Variants in TULP4 observed in about 807,000 individuals in gnomAD.
TULP4 encodes the protein tubby-related protein 4.
Under a neutral mutation model 129.0 loss-of-function variants are expected in TULP4, and 16 were observed. The observed-to-expected ratio is 0.12, with a 90% confidence interval of 0.08 to 0.19. The LOEUF (loss-of-function observed/expected upper bound fraction) is 0.19. Among genes scored for constraint, TULP4 ranks in the 10% least tolerant of loss-of-function variants. The pLI is 1.00. For synonymous variants in TULP4, 998 were observed against 854.0 expected (o/e 1.17, Z -2.94); for missense variants, 1,842 against 2,059.1 (o/e 0.89, Z 2.04).
At chr6:158,487,936 G>A (rs1020880525) in intron 8 of TULP4, among the ~76,000 whole-genome samples, 1 of 152,212 alleles carries the variant, frequency 6.6e-6, no homozygotes, top group Non-Finnish European at 1.5e-5. Flanking sequence ...TCCTTCCCTT[G>A]TGGAGTTTGC....
chr6:158,333,585 A>G lies in TULP4; in HGVS notation c.252+19317A>G, dbSNP rs901248624. On this transcript the variant is annotated intron_variant, in intron 1 of 13. Coordinates refer to ENST00000367097, the MANE Select transcript of TULP4 (RefSeq NM_020245.5). ...ACCTTCCCTCTGCCCACCTTCCCAAACTAGCTATGTACAGTTGGCCTCTGT... is the reference window on the plus strand; with the variant it reads ...ACCTTCCCTCTGCCCACCTTCCCAAGCTAGCTATGTACAGTTGGCCTCTGT... Among the ~76,000 whole-genome samples the G allele has an allele frequency of 5.3e-5, 8 of 152,244 alleles. No individual in the cohort carries two copies. The South Asian group carries it at 1.7e-3, about 32-fold the overall frequency.
At chr6:158,291,686 CTA>C (rs1336923025) in intron 1 of TULP4, among the ~76,000 whole-genome samples, 19 of 151,846 alleles carry the variant, frequency 1.3e-4, no homozygotes, top group Admixed American at 2.6e-4. Context: ...CTTTTTTAAT[CTA>C]TCTTTCATTT....
chr6:158,241,151 C>T (rs569432124), intron 1 of TULP4, among the ~76,000 whole-genome samples: 8 of 135,556 alleles, frequency 5.9e-5, no homozygotes, highest in Non-Finnish European at 1.1e-4. Flanking sequence ...AGACGATGGG[C>T]GGCCGGGCAG....
chr6:158,289,437 C>T (rs1327944662), intron 1 of TULP4, among the ~76,000 whole-genome samples: 2 of 151,920 alleles, frequency 1.3e-5, no homozygotes, highest in Non-Finnish European at 2.9e-5. Context: ...CCTTTACTCT[C>T]TTTTGGTTTA....
At chr6:158,260,051 C>T (rs1296789566) in intron 1 of TULP4, among the ~76,000 whole-genome samples, 1 of 152,190 alleles carries the variant, frequency 6.6e-6, no homozygotes, top group Non-Finnish European at 1.5e-5. Context: ...TCTCCAGCCC[C>T]TCTTCTTCCC....
chr6:158,503,552 G>A lies in TULP4; in HGVS notation c.3889G>A (p.Ala1297Thr). 1 of 1,613,920 alleles carries A rather than the reference G, an allele frequency of 6.2e-7. No homozygotes were observed. Among genetic ancestry groups the A allele is most frequent in the East Asian group, 2.2e-5 (1 of 44,878 alleles). The stretch of plus-strand genomic sequence containing the variant: ...GAAGCCCCTTGTGTCCCCACCACCT[G>A]CCGACCTCCAAAGCCACTTGGGCAC... ...VEKPLVSPPP[A>T]DLQSHLGTEV... is the part of the protein sequence containing the mutation. Residue 1297 changes from alanine to threonine, a missense_variant, in exon 13 of 14, where the codon GCC becomes ACC. Transcript: ENST00000367097. This position sits in a 1 kb window ranked among gnomAD's most constrained non-coding sequence, Gnocchi z 4.3.
chr6:158,240,786 A>G lies in TULP4; in HGVS notation n.68+8483A>G, dbSNP rs1325944130. The stretch of plus-strand genomic sequence containing the variant: ...TCCCTCCCGGTCGGCACGGCTGGCC[A>G]GGCGGGGGGCTGAACCCCCCACCTC... On this transcript the variant is annotated intron_variant and non_coding_transcript_variant, in intron 1 of 1. Transcript: ENST00000620026. Among the ~76,000 whole-genome samples, 374 of 118,994 alleles carry G rather than the reference A, an allele frequency of 3.1e-3. 1 individual carries two copies. The highest frequency in any genetic ancestry group is 0.011 in the African/African-American group (349 of 32,012). The allele number at this position is 118,994 out of a possible 152,430, so 78.1% of individuals were successfully genotyped here.
intron 4 of TULP4, among the ~76,000 whole-genome samples, chr6:158,450,748 T>C (rs1426144439): frequency 5.0e-5 from 5 of 100,640 alleles, no homozygotes; most frequent in Non-Finnish European, 4.0e-5. Context: ...CCCATTTTAT[T>C]ATTGAAAAAA....
At chr6:158,486,886 G>A (rs1357495831) in intron 8 of TULP4, among the ~76,000 whole-genome samples, 2 of 152,082 alleles carry the variant, frequency 1.3e-5, no homozygotes, top group Non-Finnish European at 2.9e-5. Flanking sequence ...CAAGGCGGGA[G>A]GATTGCCTGA....
chr6:158,445,047 C>T (rs541422485), intron 3 of TULP4, among the ~76,000 whole-genome samples: 1 of 152,262 alleles, frequency 6.6e-6, no homozygotes, highest in East Asian at 1.9e-4. Flanking sequence ...CTCCTGGCTT[C>T]AAGTGATCCT....
intron 1 of TULP4, among the ~76,000 whole-genome samples, chr6:158,382,900 A>G (rs1471216653): frequency 6.6e-6 from 1 of 152,222 alleles, no homozygotes; most frequent in African/African-American, 2.4e-5. Flanking sequence ...CCCTTTTCAC[A>G]TAACTGAGTC....
chr6:158,409,013 G>T (rs1778027201), intron 1 of TULP4, among the ~76,000 whole-genome samples: 1 of 152,200 alleles, frequency 6.6e-6, no homozygotes. Flanking sequence ...GAATAGTGAT[G>T]ACATTGGTTG....
intron 1 of TULP4, among the ~76,000 whole-genome samples, chr6:158,385,150 A>C (rs923597460): frequency 6.6e-6 from 1 of 152,194 alleles, no homozygotes; most frequent in Non-Finnish European, 1.5e-5. Context: ...CAAGAAAAAT[A>C]GAAAGAGTGC....
chr6:158,269,952 A>C (rs1487414081), intron 1 of TULP4, among the ~76,000 whole-genome samples: 2 of 152,206 alleles, frequency 1.3e-5, no homozygotes, highest in Non-Finnish European at 2.9e-5. Context: ...GTGTTCCTTA[A>C]GCCCATTTTA....
At chr6:158,414,860 C>T (rs1161534732) in intron 2 of TULP4, among the ~76,000 whole-genome samples, 1 of 152,152 alleles carries the variant, frequency 6.6e-6, no homozygotes, top group Non-Finnish European at 1.5e-5. Context: ...TCTCCAGGAA[C>T]CCTGTTCCAA....
intron 1 of TULP4, among the ~76,000 whole-genome samples, chr6:158,345,507 G>A (rs1257295481): frequency 6.6e-6 from 1 of 152,208 alleles, no homozygotes; most frequent in Non-Finnish European, 1.5e-5. Context: ...GGGCCGCCAG[G>A]CGTGACATCA....
At position 158,504,159 on chromosome 6, in the gene TULP4, T is replaced by C; in HGVS notation, c.4496T>C (p.Ile1499Thr). The change falls in exon 13 of 14, where the codon ATT becomes ACT. Residue 1499 changes from isoleucine to threonine, a missense_variant. Physicochemically the swap from Ile to Thr is moderately conservative, Grantham distance 89. Around this residue, in one of 5 missense-constraint regions of TULP4, gnomAD observed 47 missense variants for 104.0 expected, o/e 0.45. Coordinates refer to ENST00000367097, the MANE Select transcript of TULP4 (RefSeq NM_020245.5). ...VTQESAKNFQ[I>T]ELEGRQVMQF... The stretch of plus-strand genomic sequence containing the variant: ...CAGGAGTCCGCCAAGAACTTCCAGA[T>C]TGAGTTAGAGGGGCGGCAGGTAAGA... The C allele has an allele frequency of 6.3e-7, 1 of 1,598,850 alleles. No homozygotes were observed. The highest frequency in any genetic ancestry group is 8.5e-7 in the Non-Finnish European group (1 of 1,172,260).
At chr6:158,362,248 C>T (rs1780808733) in intron 1 of TULP4, among the ~76,000 whole-genome samples, 2 of 152,162 alleles carry the variant, frequency 1.3e-5, no homozygotes, top group South Asian at 4.2e-4. Flanking sequence ...TGGAAAACAC[C>T]AAACTTCTTC....
chr6:158,486,674 C>T (rs1329579879), intron 8 of TULP4, among the ~76,000 whole-genome samples: 2 of 152,208 alleles, frequency 1.3e-5, no homozygotes, highest in Admixed American at 6.5e-5. Flanking sequence ...CTTGGACTTT[C>T]AGCCTCCAGA....
Sources: gnomAD v4.1 joint callset for allele counts (sites outside exome capture counted in the v4.1 genomes callset) on GRCh38, gnomAD v4.1.1 for gene constraint, gnomAD v4.1.1 regional missense constraint, Gnocchi (gnomAD v3.1) non-coding constraint, MANE v1.5 for transcripts, NCBI Gene and HGNC (gene_info 2026-07-23, HGNC 2026-07-21) for gene names.